DCTN5: variants seen among roughly 807,000 people sequenced by gnomAD.
DCTN5 encodes dynactin 4.
DCTN5 carries 14 observed loss-of-function variants against 23.5 expected under a neutral mutation model. The observed-to-expected ratio is 0.60, with a 90% CI of 0.39 to 0.93. The LOEUF is 0.93. Ranked by LOEUF, DCTN5 falls within the 40% of genes least tolerant of loss-of-function variation. The pLI, the probability that DCTN5 is intolerant of heterozygous loss-of-function variation, is 0.00. For synonymous variants in DCTN5, 67 were observed against 79.6 expected (o/e 0.84, Z 0.84); for missense variants, 156 against 225.9 (o/e 0.69, Z 1.98).
rs531068514 is a variant in DCTN5, at chr16:23,650,838, T to TA, written c.118-7667dup. ...GATAGAAAGAGATCAGATGAGTCAG[T>TA]AAGACTGAGTGTGAACAATAGAGAG... On this transcript the variant is annotated intron_variant, in intron 2 of 5. Transcript: ENST00000300087. 6.6e-4 allele frequency: 965 copies of TA among 1,471,706 alleles called. 17 individuals carry two copies. In the South Asian group the frequency reaches 0.011, roughly 17 times the overall value. The allele number at this position is 1,471,706 out of a possible 1,614,324, so 91.2% of individuals were successfully genotyped here. A position where few individuals can be genotyped will look rare whatever the true frequency, so the allele number is the denominator to read the frequency against.
At chr16:23,665,966 A>T (rs1196503168) in intron 5 of DCTN5, 1 of 514,902 alleles carries the variant, frequency 1.9e-6, no homozygotes, top group Non-Finnish European at 3.5e-6. Flanking sequence ...ACAAAGAGGA[A>T]ACTAAGCCCA....
At chr16:23,652,132 C>G (rs1179626872) in intron 2 of DCTN5, among the ~76,000 whole-genome samples, 2 of 151,004 alleles carry the variant, frequency 1.3e-5, no homozygotes, top group African/African-American at 4.9e-5. Flanking sequence ...GTTTTGTAGA[C>G]TATACGTATG....
At chr16:23,645,127 ATATATATATATTTT>A (rs1567228517) in intron 2 of DCTN5, among the ~76,000 whole-genome samples, 2 of 27,120 alleles carry the variant, frequency 7.4e-5, no homozygotes, top group African/African-American at 4.1e-4. Flanking sequence ...ATATATATAT[ATATATATATATTTT>A]TTTTTTTTTT....
At chr16:23,646,220 C>T (rs1967455444) in intron 2 of DCTN5, among the ~76,000 whole-genome samples, 1 of 152,046 alleles carries the variant, frequency 6.6e-6, no homozygotes, top group African/African-American at 2.4e-5. Context: ...GCTTGTTGGT[C>T]ATCTGTACAT....
chr16:23,661,705 G>A (rs777827510), intron 4 of DCTN5, among the ~76,000 whole-genome samples: 5 of 149,614 alleles, frequency 3.3e-5, no homozygotes, highest in Non-Finnish European at 5.9e-5. Context: ...GCAACAAAAC[G>A]AGACACTGTC....
chr16:23,665,252 G>A (rs1405149992), intron 4 of DCTN5, among the ~76,000 whole-genome samples: 1 of 152,174 alleles, frequency 6.6e-6, no homozygotes, highest in Non-Finnish European at 1.5e-5. Flanking sequence ...GGGGATGGGA[G>A]GGTTACCGAG....
At chr16:23,657,178 G>T (rs1367374170) in intron 2 of DCTN5, among the ~76,000 whole-genome samples, 1 of 152,088 alleles carries the variant, frequency 6.6e-6, no homozygotes, top group Non-Finnish European at 1.5e-5. Context: ...GGGGCCAAGT[G>T]CAGTGTCTAA....
At chr16:23,654,907 C>A (rs775863202) in intron 2 of DCTN5, among the ~76,000 whole-genome samples, 16 of 152,156 alleles carry the variant, frequency 1.1e-4, no homozygotes, top group Non-Finnish European at 2.9e-5. Flanking sequence ...CAGTTCCATC[C>A]ATGTTGCTGC....
In DCTN5 at chr16:23,668,413, A is replaced by C. The variant is rs958468748; in HGVS notation, c.*1269A>C. ...TTTTAAAATGTTTATACATAAAACC[A>C]CCAAAATACATAGCTTCGACAAGAT... On this transcript the variant is annotated 3_prime_UTR_variant, in exon 6 of 6. Coordinates refer to ENST00000300087, the MANE Select transcript of DCTN5 (RefSeq NM_032486.4). 2.6e-5 allele frequency: 4 copies of C among 152,230 alleles called. No homozygotes were observed. The highest frequency in any genetic ancestry group is 9.6e-5 in the African/African-American group (4 of 41,458). 9.4% of individuals were successfully genotyped at this position (152,230 alleles called of 1,614,324 possible). A position where few individuals can be genotyped will look rare whatever the true frequency, so the allele number is the denominator to read the frequency against.
Position 23,641,560 on chromosome 16 carries a change from G to A in DCTN5, c.18G>A (p.Leu6=), listed in dbSNP as rs370365697. 6.2e-5 allele frequency: 100 copies of A among 1,613,972 alleles called. No individual in the cohort carries two copies. Among genetic ancestry groups the A allele is most frequent in the Non-Finnish European group, 8.2e-5 (97 of 1,179,954 alleles). Residue 6 remains leucine, a synonymous_variant, in exon 1 of 6, where the codon CTG becomes CTA. Transcript: ENST00000300087. ...CGGCGGCCATGGAGTTGGGCGAGCT[G>A]CTCTACAACAAGTCTGAGTACATCG... MELGE[L]LYNKSEYIET...
rs1043493322 is a variant in DCTN5, at chr16:23,673,035, G to A, written c.*5891G>A. 2.0e-5 allele frequency: 3 copies of A among 151,840 alleles called. No homozygotes were observed. The highest frequency in any genetic ancestry group is 4.4e-5 in the Non-Finnish European group (3 of 68,016). 9.4% of individuals were successfully genotyped at this position (151,840 alleles called of 1,614,324 possible). On this transcript the variant is annotated 3_prime_UTR_variant, in exon 6 of 6. Transcript: ENST00000300087. ...CCCAGCTACTTGGGAGGCTGAGGCA[G>A]GAGAATGGCGCGAACCCAGGGGGCG...
intron 2 of DCTN5, among the ~76,000 whole-genome samples, chr16:23,647,825 G>T (rs963285932): frequency 6.6e-6 from 1 of 151,964 alleles, no homozygotes; most frequent in African/African-American, 2.4e-5. Context: ...GCTTTTTAAA[G>T]ATGTTTAATT....
At chr16:23,665,526 C>G in intron 4 of DCTN5, 100 bp from the exon 5 acceptor site, 1 of 1,128,374 alleles carries the variant, frequency 8.9e-7, no homozygotes, top group Non-Finnish European at 1.3e-6. Flanking sequence ...CTCTTGTCAC[C>G]GTCCCTGGCT....
chr16:23,663,920 G>A (rs1469099086), intron 4 of DCTN5, among the ~76,000 whole-genome samples: 1 of 152,204 alleles, frequency 6.6e-6, no homozygotes, highest in African/African-American at 2.4e-5. Flanking sequence ...AGGCTGCATG[G>A]TGGCTGGTAT....
rs1967983694 is a variant in DCTN5 at position 23,670,353 on chromosome 16, TC to T, written c.*3211del. ...TTCACTCAGGATCTGAGGCCACAGTTCCTTTCTTAGTCACTGATACATCTGG... is the reference window on the plus strand; with the variant it reads ...TTCACTCAGGATCTGAGGCCACAGTTCTTTCTTAGTCACTGATACATCTGG... On this transcript the variant is annotated 3_prime_UTR_variant, in exon 6 of 6. Coordinates refer to ENST00000300087, the MANE Select transcript of DCTN5 (RefSeq NM_032486.4). The T allele has an allele frequency of 6.6e-6, 1 of 152,236 alleles. No homozygotes were observed. The highest frequency in any genetic ancestry group is 1.5e-5 in the Non-Finnish European group (1 of 68,062). The allele number at this position is 152,236 out of a possible 1,614,324, so 9.4% of individuals were successfully genotyped here.
intron 2 of DCTN5, chr16:23,650,718 T>C (rs895661771): frequency 5.9e-6 from 9 of 1,525,808 alleles, no homozygotes; most frequent in East Asian, 4.9e-5. Context: ...TTTGCTGTTA[T>C]GAACAATCCA....
chr16:23,654,687 T>C (rs188716823), intron 2 of DCTN5, among the ~76,000 whole-genome samples: 18 of 152,336 alleles, frequency 1.2e-4, no homozygotes, highest in Admixed American at 1.1e-3. Context: ...CCTACTGACC[T>C]ATCAAATTCT....
In DCTN5 at chr16:23,658,753, T is replaced by C. The variant is rs889974118; in HGVS notation, c.236+128T>C. On this transcript the variant is annotated intron_variant, in intron 3 of 5. Coordinates refer to ENST00000300087, the MANE Select transcript of DCTN5 (RefSeq NM_032486.4). Reference sequence around the variant, plus strand: ...TGAAGCACTGAGTAAGAGTTCACCATAATGAACACAACTCTGCTGGTGGTT... The same window carrying C: ...TGAAGCACTGAGTAAGAGTTCACCACAATGAACACAACTCTGCTGGTGGTT... 1.4e-5 allele frequency: 10 copies of C among 725,870 alleles called. No homozygotes were observed. The African/African-American group carries it at 1.7e-4, about 13-fold the overall frequency. 45.0% of individuals were successfully genotyped at this position (725,870 alleles called of 1,614,324 possible).
Position 23,658,605 on chromosome 16 carries a change from A to G in DCTN5, c.216A>G (p.Pro72=). 1 of 1,614,116 alleles carries G rather than the reference A, an allele frequency of 6.2e-7. No individual in the cohort carries two copies. Among genetic ancestry groups the G allele is most frequent in the Non-Finnish European group, 8.5e-7 (1 of 1,179,910 alleles). ...AAAGTCGTAGTGTCATAAGGCCACC[A>G]TTCAAGAAGTTCAGCAAAGGGTATG... The part of the protein sequence containing the change: ...VVKSRSVIRP[P]FKKFSKGVAF... Residue 72 remains proline, a synonymous_variant, in exon 3 of 6, where the codon CCA becomes CCG. Transcript: ENST00000300087.
Sources: gnomAD v4.1 joint callset for allele counts (sites outside exome capture counted in the v4.1 genomes callset) on GRCh38, gnomAD v4.1.1 for gene constraint, MANE v1.5 for transcripts, NCBI Gene and HGNC (gene_info 2026-07-23, HGNC 2026-07-21) for gene names.